The following GTF2IRD1 variants were observed in gnomAD, a reference collection of about 807,000 sequenced individuals.
GTF2IRD1 encodes general transcription factor II-I repeat domain-containing protein 1.
GTF2IRD1 carries 26 observed loss-of-function variants against 113.2 expected under a neutral mutation model. The observed-to-expected ratio is 0.23, with a 90% CI of 0.17 to 0.32. The LOEUF (loss-of-function observed/expected upper bound fraction) is 0.32. GTF2IRD1 is among the 10% of genes least tolerant of loss of function. The probability of loss-of-function intolerance (pLI) is 1.00; values close to 1 mark genes in which losing one functional copy is unlikely to be tolerated. For missense variants in GTF2IRD1, 864 were observed against 1,280.8 expected (o/e 0.67, Z 4.97); for synonymous variants, 484 against 529.1 (o/e 0.91, Z 1.17).
intron 22 of GTF2IRD1, among the ~76,000 whole-genome samples, chr7:74,569,838 G>A (rs1392524980): frequency 3.3e-5 from 5 of 152,120 alleles, no homozygotes; most frequent in Non-Finnish European, 7.3e-5. Flanking sequence ...TGGGTCTGTG[G>A]GCTTGTGAGA....
At chr7:74,567,659 C>T (rs1319493025) in intron 22 of GTF2IRD1, among the ~76,000 whole-genome samples, 1 of 152,172 alleles carries the variant, frequency 6.6e-6, no homozygotes, top group Non-Finnish European at 1.5e-5. Context: ...AACTCCCCTC[C>T]CAGAAGTAGC....
intron 22 of GTF2IRD1, among the ~76,000 whole-genome samples, chr7:74,587,877 C>G (rs1424916455): frequency 6.6e-6 from 1 of 152,114 alleles, no homozygotes; most frequent in Admixed American, 6.5e-5. Context: ...GTGACGGTTA[C>G]CTGGGCAGTG....
chr7:74,555,060 A>G lies in GTF2IRD1; in HGVS notation c.1917-114A>G, dbSNP rs1321470130. The stretch of plus-strand genomic sequence containing the variant: ...CAGGGACTCCAGGCCTGAACTATGC[A>G]TAGCCAGAAGGGTCCATTGCAGGGC... On this transcript the variant is annotated intron_variant, in intron 17 of 26. Transcript: ENST00000424337. This position sits in a 1 kb window ranked among gnomAD's most constrained non-coding sequence, Gnocchi z 5.3. 5.3e-6 allele frequency: 5 copies of G among 937,892 alleles called. No individual in the cohort carries two copies. Among genetic ancestry groups the G allele is most frequent in the African/African-American group, 3.3e-5 (2 of 60,980 alleles). 58.1% of individuals were successfully genotyped at this position (937,892 alleles called of 1,614,324 possible).
chr7:74,566,192 A>G (rs1323676574), intron 22 of GTF2IRD1, among the ~76,000 whole-genome samples: 1 of 152,184 alleles, frequency 6.6e-6, no homozygotes, highest in African/African-American at 2.4e-5. Context: ...TTCTTTCTAT[A>G]AATTTACACA....
At chr7:74,466,468 G>GC (rs1382778120) in intron 1 of GTF2IRD1, among the ~76,000 whole-genome samples, 1 of 152,158 alleles carries the variant, frequency 6.6e-6, no homozygotes, top group African/African-American at 2.4e-5. Flanking sequence ...GCATGGCCAG[G>GC]CCCTGCCTGT....
At chr7:74,581,626 G>A (rs1407718646) in intron 22 of GTF2IRD1, among the ~76,000 whole-genome samples, 1 of 152,218 alleles carries the variant, frequency 6.6e-6, no homozygotes, top group Non-Finnish European at 1.5e-5. Context: ...CAGTCCTTGG[G>A]GAACTCCCTG....
chr7:74,557,828 C>T (rs1401899208), intron 20 of GTF2IRD1, 106 bp downstream of exon 20: 1 of 678,652 alleles, frequency 1.5e-6, no homozygotes, highest in Admixed American at 2.7e-5. Flanking sequence ...ACAATTCACC[C>T]CTTTACATGT....
At chr7:74,485,205 G>C (rs539169775) in intron 1 of GTF2IRD1, among the ~76,000 whole-genome samples, 127 of 152,346 alleles carry the variant, frequency 8.3e-4, no homozygotes, top group Non-Finnish European at 1.5e-3. Flanking sequence ...AGGGGAGGCA[G>C]CAGTGGGGCT....
At chr7:74,600,209 T>G (rs781896446) in intron 25 of GTF2IRD1, among the ~76,000 whole-genome samples, 5 of 151,954 alleles carry the variant, frequency 3.3e-5, no homozygotes, top group Non-Finnish European at 5.9e-5. Flanking sequence ...GCAGGAGGAT[T>G]GCTTGAGGTT....
At chr7:74,467,938 G>A (rs987217655) in intron 1 of GTF2IRD1, among the ~76,000 whole-genome samples, 10 of 152,086 alleles carry the variant, frequency 6.6e-5, no homozygotes, top group Non-Finnish European at 1.3e-4. Flanking sequence ...CAGGTGATCC[G>A]CCTCTGGGCT....
intron 22 of GTF2IRD1, among the ~76,000 whole-genome samples, chr7:74,561,283 AG>A (rs1462699401): frequency 4.1e-5 from 6 of 145,368 alleles, no homozygotes; most frequent in Non-Finnish European, 6.0e-5. Context: ...CGGGAGGCAG[AG>A]GTTGCAGTGA....
chr7:74,580,308 T>G (rs1175868457), intron 22 of GTF2IRD1, among the ~76,000 whole-genome samples: 1 of 152,106 alleles, frequency 6.6e-6, no homozygotes, highest in Non-Finnish European at 1.5e-5. Flanking sequence ...ATCCCACGCT[T>G]CTGCTACAGA....
chr7:74,487,291 C>G (rs1243847919), intron 1 of GTF2IRD1: 1 of 152,246 alleles, frequency 6.6e-6, no homozygotes, highest in African/African-American at 2.4e-5. Context: ...ACCGCCTCGG[C>G]CTCCCAAAGT....
chr7:74,532,533 G>A (rs1583812879), intron 9 of GTF2IRD1, among the ~76,000 whole-genome samples: 1 of 152,172 alleles, frequency 6.6e-6, no homozygotes, highest in African/African-American at 2.4e-5. Flanking sequence ...CAGCCTGGGC[G>A]ACAGAGCCAG....
At chr7:74,574,862 G>GC (rs1800931149) in intron 22 of GTF2IRD1, among the ~76,000 whole-genome samples, 1 of 151,980 alleles carries the variant, frequency 6.6e-6, no homozygotes, top group Admixed American at 6.6e-5. Flanking sequence ...GCTGAGGTGG[G>GC]CGGATCACCT....
At chr7:74,505,682 C>T (rs1463561085) in intron 1 of GTF2IRD1, among the ~76,000 whole-genome samples, 2 of 152,204 alleles carry the variant, frequency 1.3e-5, no homozygotes, top group Non-Finnish European at 2.9e-5. Flanking sequence ...GCCCTAAGGC[C>T]TTTCTGGGAA....
chr7:74,486,218 A>G (rs182008920), intron 1 of GTF2IRD1, among the ~76,000 whole-genome samples: 12 of 152,214 alleles, frequency 7.9e-5, no homozygotes, highest in Admixed American at 5.9e-4. Context: ...TGATCCGCCC[A>G]CACCGCCGTG....
chr7:74,506,688 G>C (rs1554341161), intron 1 of GTF2IRD1: 1 of 152,096 alleles, frequency 6.6e-6, no homozygotes, highest in Admixed American at 6.6e-5. Flanking sequence ...CCTGGCACTG[G>C]GGCAGCCTGT....
chr7:74,517,126 C>G (rs1197908603), intron 4 of GTF2IRD1, among the ~76,000 whole-genome samples: 1 of 151,950 alleles, frequency 6.6e-6, no homozygotes, highest in Non-Finnish European at 1.5e-5. Flanking sequence ...TGGGTTCAAG[C>G]AATTCTCCTG....
Sources: gnomAD v4.1 joint callset for allele counts (sites outside exome capture counted in the v4.1 genomes callset) on GRCh38, gnomAD v4.1.1 for gene constraint, Gnocchi (gnomAD v3.1) non-coding constraint, MANE v1.5 for transcripts, NCBI Gene and HGNC (gene_info 2026-07-23, HGNC 2026-07-21) for gene names.